The following PTPRZ1 variants were observed in gnomAD, a reference collection of about 807,000 sequenced individuals.
PTPRZ1 encodes the protein protein tyrosine phosphatase receptor type Z1.
Under a neutral mutation model 214.1 loss-of-function variants are expected in PTPRZ1, and 82 were observed. The ratio of observed to expected loss-of-function variants is 0.38; its 90% confidence interval spans 0.32 to 0.46. The LOEUF (loss-of-function observed/expected upper bound fraction) is 0.46. PTPRZ1 is among the 20% of genes least tolerant of loss of function. The probability of loss-of-function intolerance (pLI) is 1.00; values close to 1 mark genes in which losing one functional copy is unlikely to be tolerated. For missense variants in PTPRZ1, 2,603 were observed against 2,748.7 expected (o/e 0.95, Z 1.19); for synonymous variants, 945 against 987.9 (o/e 0.96, Z 0.81).
At chr7:122,022,797 G>A (rs1382899096) in intron 13 of PTPRZ1, among the ~76,000 whole-genome samples, 2 of 152,184 alleles carry the variant, frequency 1.3e-5, no homozygotes, top group African/African-American at 4.8e-5. Flanking sequence ...AAAATTAAAG[G>A]ACTCATGCTT....
chr7:121,983,655 TC>T lies in PTPRZ1; in HGVS notation c.620-8del, dbSNP rs767999781. 2.8e-5 allele frequency: 45 copies of T among 1,605,252 alleles called. No individual in the cohort carries two copies. Among genetic ancestry groups the T allele is most frequent in the Non-Finnish European group, 3.8e-5 (45 of 1,175,984 alleles). On this transcript the variant is annotated splice_polypyrimidine_tract_variant and intron_variant, in intron 6 of 29. Coordinates refer to ENST00000393386, the MANE Select transcript of PTPRZ1 (RefSeq NM_002851.3). ...AGATTCCAGCTGAGATGTATATTATTCCTTTTTAGGGAAGCAGGCTGCTTTA... is the reference window on the plus strand; with the variant it reads ...AGATTCCAGCTGAGATGTATATTATTCTTTTTAGGGAAGCAGGCTGCTTTA...
intron 11 of PTPRZ1, among the ~76,000 whole-genome samples, chr7:122,009,125 C>T (rs1042627018): frequency 6.6e-6 from 1 of 152,116 alleles, no homozygotes; most frequent in African/African-American, 2.4e-5. Flanking sequence ...AGATCAAGTG[C>T]ACTAACTTCC....
chr7:121,960,195 C>T (rs1310700209), intron 2 of PTPRZ1, among the ~76,000 whole-genome samples: 4 of 152,118 alleles, frequency 2.6e-5, no homozygotes, highest in East Asian at 3.9e-4. Flanking sequence ...TGCGCCAACA[C>T]GCCTGGCTAA....
At chr7:121,909,914 A>G (rs1795220892) in intron 1 of PTPRZ1, among the ~76,000 whole-genome samples, 1 of 152,194 alleles carries the variant, frequency 6.6e-6, no homozygotes, top group South Asian at 2.1e-4. Context: ...GCTTTCCATT[A>G]TGAGTCTGGC....
chr7:121,874,390 T>C (rs1355033551), intron 1 of PTPRZ1, among the ~76,000 whole-genome samples: 1 of 152,246 alleles, frequency 6.6e-6, no homozygotes. Flanking sequence ...ATTGGACTTT[T>C]GCGTTTTATT....
intron 21 of PTPRZ1, among the ~76,000 whole-genome samples, chr7:122,041,294 A>G (rs1389214238): frequency 2.6e-5 from 4 of 152,098 alleles, no homozygotes; most frequent in Non-Finnish European, 4.4e-5. Flanking sequence ...TATTTACCTC[A>G]ACATATAATA....
intron 8 of PTPRZ1, among the ~76,000 whole-genome samples, chr7:121,989,394 G>A (rs1054772858): frequency 9.4e-6 from 1 of 106,346 alleles, no homozygotes; most frequent in African/African-American, 3.4e-5. Flanking sequence ...TTTTTTTTGA[G>A]TTGGAGTTTC....
chr7:121,947,152 G>T (rs1366739784), intron 2 of PTPRZ1, among the ~76,000 whole-genome samples: 1 of 151,974 alleles, frequency 6.6e-6, no homozygotes, highest in African/African-American at 2.4e-5. Flanking sequence ...AAGAAGCTCA[G>T]GCTGAAGTAC....
chr7:121,963,818 T>C (rs535893398), intron 2 of PTPRZ1, among the ~76,000 whole-genome samples: 13 of 152,272 alleles, frequency 8.5e-5, no homozygotes, highest in Admixed American at 6.5e-4. Context: ...CTTCCTTGAC[T>C]GCCTATCCTG....
intron 9 of PTPRZ1, 141 bp downstream of exon 9, chr7:121,996,707 AT>A: frequency 1.8e-6 from 1 of 569,430 alleles, no homozygotes; most frequent in Non-Finnish European, 2.8e-6. Context: ...GTATTTTTAA[AT>A]TTAAAAAAAA....
At chr7:121,968,421 A>T (rs769528813) in intron 3 of PTPRZ1, among the ~76,000 whole-genome samples, 2 of 152,158 alleles carry the variant, frequency 1.3e-5, no homozygotes, top group Non-Finnish European at 2.9e-5. Context: ...AATTTAGTCA[A>T]TTACTTAGTC....
chr7:122,031,988 CACTT>C (rs1172000196), intron 15 of PTPRZ1: 2 of 152,206 alleles, frequency 1.3e-5, no homozygotes, highest in Non-Finnish European at 2.9e-5. Context: ...ATTTAGATAA[CACTT>C]ACATTATACC....
intron 24 of PTPRZ1, 46 bp downstream of exon 24, chr7:122,051,567 A>T (rs1792186434): frequency 6.6e-7 from 1 of 1,510,164 alleles, no homozygotes; most frequent in East Asian, 2.3e-5. Flanking sequence ...TAAAATAATA[A>T]AAGCCTTGTA....
intron 1 of PTPRZ1, among the ~76,000 whole-genome samples, chr7:121,901,087 T>C (rs966979468): frequency 2.0e-5 from 3 of 152,174 alleles, no homozygotes; most frequent in Admixed American, 2.0e-4. Flanking sequence ...TCCTGATCTA[T>C]GTACCCCGTT....
intron 1 of PTPRZ1, among the ~76,000 whole-genome samples, chr7:121,925,773 T>C (rs1203288716): frequency 6.6e-6 from 1 of 152,196 alleles, no homozygotes; most frequent in African/African-American, 2.4e-5. Context: ...TTTAAGTTTA[T>C]CTAAATAAAT....
At chr7:122,059,325 C>T (rs1392937877) in intron 28 of PTPRZ1, 1 of 164,676 alleles carries the variant, frequency 6.1e-6, no homozygotes, top group African/African-American at 2.4e-5. Context: ...AGAAACCATC[C>T]AATAAATCTT....
At chr7:121,970,678 G>A (rs550168321) in intron 3 of PTPRZ1, among the ~76,000 whole-genome samples, 2 of 152,220 alleles carry the variant, frequency 1.3e-5, no homozygotes, top group Admixed American at 1.3e-4. Flanking sequence ...ATTTGTTTAA[G>A]TTCTTTCTAG....
chr7:121,895,908 G>T (rs745367152), intron 1 of PTPRZ1, among the ~76,000 whole-genome samples: 4 of 152,156 alleles, frequency 2.6e-5, no homozygotes, highest in Non-Finnish European at 5.9e-5. Flanking sequence ...GTTGCACTTG[G>T]AAGGTTAGAA....
At position 122,038,797 on chromosome 7, in the gene PTPRZ1, C is replaced by T. The variant is rs1305468797; in HGVS notation, c.5410C>T (p.Leu1804=). 1.9e-6 allele frequency: 3 copies of T among 1,613,674 alleles called. No individual in the cohort carries two copies. The highest frequency in any genetic ancestry group is 2.5e-6 in the Non-Finnish European group (3 of 1,179,814). The change falls in exon 19 of 30, where the codon CTG becomes TTG. Residue 1804 remains leucine, a synonymous_variant. Transcript: ENST00000393386. The part of the protein sequence containing the change: ...PKAYIAAQGP[L]KSTAEDFWRM... ...AGCTTATATTGCTGCCCAAGGCCCACTGAAATCCACAGCTGAAGATTTCTG... is the reference window on the plus strand; with the variant it reads ...AGCTTATATTGCTGCCCAAGGCCCATTGAAATCCACAGCTGAAGATTTCTG...
Sources: allele counts gnomAD v4.1 joint callset (sites outside exome capture counted in the v4.1 genomes callset), GRCh38; gene constraint gnomAD v4.1.1; transcripts MANE v1.5; gene names NCBI Gene and HGNC (gene_info 2026-07-23, HGNC 2026-07-21).